Variants in SEMA6D observed in about 807,000 individuals in gnomAD.
SEMA6D encodes the protein semaphorin 6D.
In SEMA6D, 35 loss-of-function variants were observed where a neutral mutation model predicts 106.6. That is an observed-to-expected ratio of 0.33 (90% CI 0.25 to 0.44). The LOEUF (loss-of-function observed/expected upper bound fraction) is 0.44, where lower values mean the gene tolerates loss of function less well. Among genes scored for constraint, SEMA6D ranks in the 20% least tolerant of loss-of-function variants. The pLI, the probability that SEMA6D is intolerant of heterozygous loss-of-function variation, is 1.00. For missense variants in SEMA6D, 1,185 were observed against 1,345.9 expected, an observed-to-expected ratio of 0.88 and a Z score of 1.87; for synonymous variants, 499 against 487.7, an observed-to-expected ratio of 1.02 and a Z score of -0.31.
At chr15:47,655,379 A>G (rs1026022804) in intron 4 of SEMA6D, among the ~76,000 whole-genome samples, 2 of 152,226 alleles carry the variant, frequency 1.3e-5, no homozygotes, top group Admixed American at 6.5e-5. Flanking sequence ...CTGTTGTCAT[A>G]ATTTCTCTCT....
At chr15:47,469,887 T>G (rs1057150551) in intron 2 of SEMA6D, among the ~76,000 whole-genome samples, 5 of 152,320 alleles carry the variant, frequency 3.3e-5, no homozygotes, top group African/African-American at 1.2e-4. Context: ...TATAAGGAAA[T>G]ACTTTATTTC....
At chr15:47,297,625 T>C (rs943925259) in intron 1 of SEMA6D, among the ~76,000 whole-genome samples, 14 of 152,172 alleles carry the variant, frequency 9.2e-5, no homozygotes, top group Non-Finnish European at 1.3e-4. Context: ...CAGGGACTTA[T>C]AGGTTTCTCT....
chr15:47,218,722 A>G (rs12594363), intron 1 of SEMA6D, among the ~76,000 whole-genome samples: 70,735 of 152,012 alleles, frequency 0.47, 19,161 homozygotes, highest in East Asian at 0.83. Flanking sequence ...ATGTAAATTT[A>G]TTAATCCTTG....
At chr15:47,333,234 CA>C (rs2037414459) in intron 1 of SEMA6D, among the ~76,000 whole-genome samples, 1 of 152,112 alleles carries the variant, frequency 6.6e-6, no homozygotes, top group Admixed American at 6.5e-5. Flanking sequence ...TCATGATTAA[CA>C]GATTACAATT....
chr15:47,220,337 G>T (rs1009591461), intron 1 of SEMA6D, among the ~76,000 whole-genome samples: 1 of 152,198 alleles, frequency 6.6e-6, no homozygotes, highest in African/African-American at 2.4e-5. Flanking sequence ...AGGTGCTGTT[G>T]TGGTGAGCTA....
In SEMA6D at chr15:47,419,186, T is replaced by A. The variant is rs2041073869; in HGVS notation, c.-159+6714T>A. ...AGGAGTGATCAGGAAAAATAAGAGA[T>A]CATGATCATAGAAGAGAATATTTAA... On this transcript the variant is annotated intron_variant, in intron 2 of 19. Coordinates refer to the SEMA6D transcript ENST00000558014. 2.0e-5 allele frequency among the ~76,000 whole-genome samples: 3 copies of A among 152,022 alleles called. No individual in the cohort carries two copies. The South Asian group carries it at 6.2e-4, about 32-fold the overall frequency.
intron 3 of SEMA6D, among the ~76,000 whole-genome samples, chr15:47,505,983 G>A (rs2044025038): frequency 6.6e-6 from 1 of 152,016 alleles, no homozygotes. Flanking sequence ...GGGTGGAGGT[G>A]GTAATAATGC....
intron 2 of SEMA6D, chr15:47,412,582 A>G (rs752692699): frequency 2.0e-5 from 3 of 152,266 alleles, no homozygotes; most frequent in Non-Finnish European, 4.4e-5. Context: ...TGATCAGTAA[A>G]GATCTCTGCT....
chr15:47,454,599 GCA>G (rs71118183), intron 2 of SEMA6D, among the ~76,000 whole-genome samples: 2,299 of 148,902 alleles, frequency 0.015, 41 homozygotes, highest in African/African-American at 0.044. Context: ...TTGCACATGT[GCA>G]CACACACACA....
intron 2 of SEMA6D, among the ~76,000 whole-genome samples, chr15:47,415,977 T>C (rs1279609467): frequency 1.3e-5 from 2 of 152,170 alleles, no homozygotes; most frequent in Non-Finnish European, 1.5e-5. Flanking sequence ...AAGTTAAACA[T>C]AGTGGCCCAA....
rs55719976 is a variant in SEMA6D at position 47,348,727 on chromosome 15, CAG to C, written c.-238-63628_-238-63627del. Reference sequence around the variant, plus strand: ...CACACACACACACACACCACACACACAGAGAGAGAGAGAGAGAGAGAGAGAGA... The same window carrying C: ...CACACACACACACACACCACACACACAGAGAGAGAGAGAGAGAGAGAGAGA... On this transcript the variant is annotated intron_variant, in intron 1 of 19. Transcript: ENST00000558014. 4.6e-4 allele frequency among the ~76,000 whole-genome samples: 26 copies of C among 57,118 alleles called. 1 individual carries two copies. The highest frequency in any genetic ancestry group is 0.01 in the Middle Eastern group (1 of 96). The allele number at this position is 57,118 out of a possible 152,430, so 37.5% of individuals were successfully genotyped here. A position where few individuals can be genotyped will look rare whatever the true frequency, so the allele number is the denominator to read the frequency against.
intron 1 of SEMA6D, among the ~76,000 whole-genome samples, chr15:47,290,295 T>C (rs1420828843): frequency 1.3e-5 from 2 of 152,192 alleles, no homozygotes; most frequent in Admixed American, 6.5e-5. Context: ...CATTTTTTTT[T>C]CCTGAAACTA....
rs146978592 is a variant in SEMA6D, at chr15:47,347,886, C to T, written c.-238-64507C>T. 5.6e-3 allele frequency among the ~76,000 whole-genome samples: 848 copies of T among 152,232 alleles called. 4 individuals carry two copies. The highest frequency in any genetic ancestry group is 0.039 in the East Asian group (202 of 5,156). On this transcript the variant is annotated intron_variant, in intron 1 of 19. Coordinates refer to the SEMA6D transcript ENST00000558014. ...GAAATTCAGTGGCATTTCTATAATA[C>T]ACAGTAAAATCTGTGGTTCTATGGG... is the stretch of plus-strand genomic sequence containing the variant.
intron 1 of SEMA6D, among the ~76,000 whole-genome samples, chr15:47,212,932 A>G (rs2030182478): frequency 1.3e-5 from 2 of 150,956 alleles, no homozygotes; most frequent in South Asian, 2.1e-4. Context: ...CAGATAACAC[A>G]TAGTCAGGAA....
intron 4 of SEMA6D, among the ~76,000 whole-genome samples, chr15:47,610,998 A>G (rs370690335): frequency 7.1e-4 from 108 of 152,372 alleles, no homozygotes; most frequent in African/African-American, 2.4e-3. Flanking sequence ...CAAATGGCAC[A>G]CAAATGACTG....
chr15:47,543,768 A>G (rs982200347), intron 3 of SEMA6D, among the ~76,000 whole-genome samples: 1 of 152,066 alleles, frequency 6.6e-6, no homozygotes, highest in East Asian at 1.9e-4. Flanking sequence ...GTGTTATTTC[A>G]TTCCCATGAT....
At chr15:47,201,868 AGCCCAGACGGCAT>A (rs1894749092) in intron 1 of SEMA6D, among the ~76,000 whole-genome samples, 3 of 152,072 alleles carry the variant, frequency 2.0e-5, no homozygotes, top group African/African-American at 7.2e-5. Flanking sequence ...TACTTTGCCC[AGCCCAGACGGCAT>A]GCCTTATTCC....
intron 1 of SEMA6D, among the ~76,000 whole-genome samples, chr15:47,190,842 T>C (rs1365253756): frequency 6.6e-6 from 1 of 152,176 alleles, no homozygotes; most frequent in Non-Finnish European, 1.5e-5. Context: ...AAAGAAACTC[T>C]CTTTTTGAAG....
intron 2 of SEMA6D, among the ~76,000 whole-genome samples, chr15:47,458,554 A>C (rs2042410352): frequency 6.6e-6 from 1 of 152,064 alleles, no homozygotes; most frequent in Non-Finnish European, 1.5e-5. Context: ...AATAGTAGAA[A>C]TATATCTGCA....
Sources: gnomAD v4.1 joint callset for allele counts (sites outside exome capture counted in the v4.1 genomes callset) on GRCh38, gnomAD v4.1.1 for gene constraint, MANE v1.5 for transcripts, NCBI Gene and HGNC (gene_info 2026-07-23, HGNC 2026-07-21) for gene names.